Variants in RALGAPA2 observed in about 807,000 individuals in gnomAD.
RALGAPA2 encodes the protein ral GTPase-activating protein subunit alpha-2.
Under a neutral mutation model 230.4 loss-of-function variants are expected in RALGAPA2, and 139 were observed. The ratio of observed to expected loss-of-function variants is 0.60; its 90% CI spans 0.53 to 0.69. RALGAPA2 has a LOEUF of 0.69. Among genes scored for constraint, RALGAPA2 ranks in the 30% least tolerant of loss-of-function variants. The pLI, the probability that RALGAPA2 is intolerant of heterozygous loss-of-function variation, is 0.00. For missense variants in RALGAPA2, 2,163 were observed against 2,276.0 expected, an observed-to-expected ratio of 0.95 and a Z score of 1.01; for synonymous variants, 847 against 837.8, an observed-to-expected ratio of 1.01 and a Z score of -0.19.
chr20:20,396,776 C>CG, intron 38 of RALGAPA2, 42 bp from the exon 39 acceptor site: 2 of 1,302,564 alleles, frequency 1.5e-6, no homozygotes. Flanking sequence ...ACAAACACAA[C>CG]ACCCCCACAG....
intron 30 of RALGAPA2, among the ~76,000 whole-genome samples, chr20:20,523,720 ATAAAT>A (rs974535050): frequency 1.3e-4 from 20 of 152,350 alleles, no homozygotes; most frequent in African/African-American, 4.8e-4. Context: ...ATCAACAAAA[ATAAAT>A]TAATCTTTTA....
At chr20:20,645,523 T>G (rs1458456439) in intron 4 of RALGAPA2, among the ~76,000 whole-genome samples, 2 of 152,172 alleles carry the variant, frequency 1.3e-5, no homozygotes, top group Non-Finnish European at 2.9e-5. Flanking sequence ...TGCAGACATA[T>G]AGAACACATG....
intron 35 of RALGAPA2, among the ~76,000 whole-genome samples, chr20:20,497,854 C>T (rs1475935596): frequency 2.0e-5 from 3 of 152,190 alleles, no homozygotes; most frequent in Admixed American, 6.5e-5. Flanking sequence ...CTTCTCATAG[C>T]TGCTTTCAGT....
intron 10 of RALGAPA2, among the ~76,000 whole-genome samples, chr20:20,628,670 C>G (rs2066570487): frequency 6.6e-6 from 1 of 152,176 alleles, no homozygotes; most frequent in South Asian, 2.1e-4. Flanking sequence ...AGTAGCACCC[C>G]CTCCCCAGTT....
chr20:20,635,558 T>C lies in RALGAPA2; in HGVS notation c.865A>G (p.Ile289Val), dbSNP rs578017487. ...ATATATGGAATCTTTGTACTGTAAA[T>C]GTTCTCATTGTCTCGAGTGGTAGTA... ...YITTTRDNEN[I>V]YSTKIPYMAA... Residue 289 changes from isoleucine (I) to valine (V), a missense_variant, in exon 9 of 40, where the codon ATT becomes GTT. Transcript: ENST00000202677. 4.3e-5 allele frequency: 68 copies of C among 1,589,066 alleles called. No homozygotes were observed. The South Asian group carries it at 7.7e-4, about 18-fold the overall frequency.
intron 20 of RALGAPA2, among the ~76,000 whole-genome samples, chr20:20,577,966 C>T (rs2064872234): frequency 6.6e-6 from 1 of 152,122 alleles, no homozygotes; most frequent in African/African-American, 2.4e-5. Context: ...CTCATCATCA[C>T]CTGCACCTCT....
intron 1 of RALGAPA2, among the ~76,000 whole-genome samples, chr20:20,685,769 A>G (rs2068677415): frequency 6.6e-6 from 1 of 152,182 alleles, no homozygotes; most frequent in Non-Finnish European, 1.5e-5. Flanking sequence ...CTTGCCCCAC[A>G]GCCTCTCAGG....
intron 38 of RALGAPA2, among the ~76,000 whole-genome samples, chr20:20,402,627 G>A (rs2059869681): frequency 6.6e-6 from 1 of 152,206 alleles, no homozygotes; most frequent in African/African-American, 2.4e-5. Context: ...GAATGTTCAG[G>A]CAGAACACCT....
intron 37 of RALGAPA2, among the ~76,000 whole-genome samples, chr20:20,433,121 C>A (rs1169673286): frequency 1.3e-5 from 2 of 152,222 alleles, no homozygotes; most frequent in Admixed American, 1.3e-4. Context: ...TTTGTCTCTC[C>A]ATTCAGACAT....
intron 27 of RALGAPA2, among the ~76,000 whole-genome samples, chr20:20,528,490 G>A (rs1321248105): frequency 1.3e-5 from 2 of 152,148 alleles, no homozygotes; most frequent in Admixed American, 1.3e-4. Flanking sequence ...AGGAAGTACA[G>A]CTGGCAGGAC....
intron 1 of RALGAPA2, among the ~76,000 whole-genome samples, chr20:20,699,658 A>G (rs988827845): frequency 1.3e-5 from 2 of 152,228 alleles, no homozygotes; most frequent in Middle Eastern, 3.2e-3. Flanking sequence ...ACATGAACAG[A>G]TATGTCACAA....
intron 36 of RALGAPA2, among the ~76,000 whole-genome samples, chr20:20,494,733 C>T (rs1336852873): frequency 1.3e-5 from 2 of 152,228 alleles, no homozygotes; most frequent in African/African-American, 2.4e-5. Context: ...TCCATACCCA[C>T]GGTTCTCCAC....
intron 36 of RALGAPA2, among the ~76,000 whole-genome samples, chr20:20,483,282 A>G (rs940958006): frequency 6.6e-6 from 1 of 152,250 alleles, no homozygotes; most frequent in South Asian, 2.1e-4. Flanking sequence ...CATGATCACA[A>G]TCTCTAAAAC....
In RALGAPA2 at chr20:20,531,725, C is replaced by T; in HGVS notation, c.3544G>A (p.Val1182Met). ...CCTATCACATTGATGGCCTCTTTCACCTGAGGGTGGCTTGTACACTGTGCA... is the reference window on the plus strand; with the variant it reads ...CCTATCACATTGATGGCCTCTTTCATCTGAGGGTGGCTTGTACACTGTGCA... ...ELAQCTSHPQ[V>M]KEAINVIGVT... Residue 1182 changes from valine (V) to methionine (M), a missense_variant, in exon 27 of 40, where the codon GTG becomes ATG. Coordinates refer to ENST00000202677, the MANE Select transcript of RALGAPA2 (RefSeq NM_020343.4). 1.9e-6 allele frequency: 3 copies of T among 1,608,862 alleles called. No homozygotes were observed. The highest frequency in any genetic ancestry group is 2.5e-6 in the Non-Finnish European group (3 of 1,177,456).
At chr20:20,470,982 A>G (rs1171788928) in intron 37 of RALGAPA2, 2 of 152,216 alleles carry the variant, frequency 1.3e-5, no homozygotes, top group African/African-American at 4.8e-5. Context: ...AATTTTCTCC[A>G]GGTACAAGAC....
Position 20,463,129 on chromosome 20 carries a change from C to CT in RALGAPA2, c.5495+9699dup, listed in dbSNP as rs11479561. Among the ~76,000 whole-genome samples, 499 of 138,120 alleles carry CT rather than the reference C, an allele frequency of 3.6e-3. 1 individual carries two copies. The highest frequency in any genetic ancestry group is 7.9e-3 in the East Asian group (38 of 4,840). The allele number at this position is 138,120 out of a possible 152,430, so 90.6% of individuals were successfully genotyped here. A position where few individuals can be genotyped will look rare whatever the true frequency, so the allele number is the denominator to read the frequency against. The stretch of plus-strand genomic sequence containing the variant: ...TAGGAGGATGGGCTTAAAACCCTGA[C>CT]TTTTTTTTTTTTTGTTAAAGAATTC... On this transcript the variant is annotated intron_variant, in intron 37 of 39. Coordinates refer to ENST00000202677, the MANE Select transcript of RALGAPA2 (RefSeq NM_020343.4).
intron 4 of RALGAPA2, among the ~76,000 whole-genome samples, chr20:20,646,442 G>C (rs1368260741): frequency 6.6e-6 from 1 of 152,032 alleles, no homozygotes; most frequent in Non-Finnish European, 1.5e-5. Flanking sequence ...TGCCTGTTTG[G>C]ATTTTTAAAC....
intron 2 of RALGAPA2, among the ~76,000 whole-genome samples, chr20:20,677,381 G>C (rs1442357227): frequency 2.6e-5 from 4 of 152,130 alleles, no homozygotes; most frequent in African/African-American, 9.7e-5. Flanking sequence ...GGAAATTTAG[G>C]GGAGGTGTAT....
chr20:20,536,931 G>A (rs938576880), intron 24 of RALGAPA2, 147 bp from the exon 25 acceptor site: 2 of 961,590 alleles, frequency 2.1e-6, no homozygotes, highest in African/African-American at 1.7e-5. Context: ...AAGCAAAAGA[G>A]GTTTGCCTAA....
Sources: gnomAD v4.1 joint callset for allele counts (sites outside exome capture counted in the v4.1 genomes callset) on GRCh38, gnomAD v4.1.1 for gene constraint, MANE v1.5 for transcripts, NCBI Gene and HGNC (gene_info 2026-07-23, HGNC 2026-07-21) for gene names.